Variants in CWC27 observed in about 807,000 individuals in gnomAD.
CWC27 encodes the protein spliceosome-associated protein CWC27 homolog.
Under a neutral mutation model 63.6 loss-of-function variants are expected in CWC27, and 47 were observed. The ratio of observed to expected loss-of-function variants is 0.74; its 90% confidence interval spans 0.58 to 0.94. The LOEUF is 0.94. Among genes scored for constraint, CWC27 ranks in the 40% least tolerant of loss-of-function variants. The pLI is 0.00. For missense variants in CWC27, 495 were observed against 554.3 expected, an observed-to-expected ratio of 0.89 and a Z score of 1.07; for synonymous variants, 175 against 179.8, an observed-to-expected ratio of 0.97 and a Z score of 0.22.
At chr5:64,882,360 G>T (rs1580700026) in intron 10 of CWC27, among the ~76,000 whole-genome samples, 1 of 152,316 alleles carries the variant, frequency 6.6e-6, no homozygotes, top group East Asian at 1.9e-4. Context: ...TAAAGAATTT[G>T]TAATTATGTT....
chr5:65,002,802 A>G (rs1449432790), intron 13 of CWC27, among the ~76,000 whole-genome samples: 1 of 152,096 alleles, frequency 6.6e-6, no homozygotes, highest in African/African-American at 2.4e-5. Flanking sequence ...TGCTGGGTTC[A>G]TTTGGCCTAA....
intron 11 of CWC27, among the ~76,000 whole-genome samples, chr5:64,952,084 A>G (rs1748720875): frequency 6.6e-6 from 1 of 151,984 alleles, no homozygotes; most frequent in African/African-American, 2.4e-5. Context: ...TTGATATAAA[A>G]TGGCAGAGTA....
At chr5:64,952,166 TAATGTA>T (rs1748722244) in intron 11 of CWC27, among the ~76,000 whole-genome samples, 1 of 151,988 alleles carries the variant, frequency 6.6e-6, no homozygotes, top group Admixed American at 6.6e-5. Flanking sequence ...ATACCTAATG[TAATGTA>T]AATGATATGT....
Position 65,018,333 on chromosome 5 carries a change from T to C in CWC27, c.*12T>C. The C allele has an allele frequency of 6.3e-7, 1 of 1,578,984 alleles. No homozygotes were observed. Among genetic ancestry groups the C allele is most frequent in the Non-Finnish European group, 8.6e-7 (1 of 1,167,802 alleles). ...AAGAAAGAAGATAAAATGAGAATAATGATAACCAGAACTTGCTGGAAATGT... is the reference window on the plus strand; with the variant it reads ...AAGAAAGAAGATAAAATGAGAATAACGATAACCAGAACTTGCTGGAAATGT... On this transcript the variant is annotated 3_prime_UTR_variant, in exon 14 of 14. Coordinates refer to ENST00000381070, the MANE Select transcript of CWC27 (RefSeq NM_005869.4).
chr5:64,835,049 G>T (rs1745624471), intron 10 of CWC27, among the ~76,000 whole-genome samples: 1 of 151,618 alleles, frequency 6.6e-6, no homozygotes, highest in Non-Finnish European at 1.5e-5. Context: ...TAACAAAACA[G>T]AAATGGATAA....
chr5:64,789,220 G>A (rs142339881), intron 7 of CWC27, among the ~76,000 whole-genome samples, 200 bp downstream of exon 7: 1 of 151,634 alleles, frequency 6.6e-6, no homozygotes, highest in African/African-American at 2.4e-5. Context: ...TTTTAATGTT[G>A]GCATTTTAAA....
intron 11 of CWC27, among the ~76,000 whole-genome samples, chr5:64,962,011 T>G (rs1748919993): frequency 6.6e-6 from 1 of 152,230 alleles, no homozygotes; most frequent in East Asian, 1.9e-4. Context: ...CAGTGTACAT[T>G]GAGATTTATA....
At chr5:64,892,142 C>CA (rs1561144991) in intron 11 of CWC27, among the ~76,000 whole-genome samples, 1 of 152,184 alleles carries the variant, frequency 6.6e-6, no homozygotes, top group Admixed American at 6.5e-5. Flanking sequence ...TATCTCTCTG[C>CA]ATCCCTTTGC....
chr5:64,960,760 G>A, intron 11 of CWC27, among the ~76,000 whole-genome samples: 1 of 151,412 alleles, frequency 6.6e-6, no homozygotes, highest in East Asian at 1.9e-4. Flanking sequence ...AACAGTTGCT[G>A]TCACAGAATA....
intron 10 of CWC27, among the ~76,000 whole-genome samples, chr5:64,872,665 C>G (rs1022515571): frequency 4.6e-5 from 7 of 152,030 alleles, no homozygotes; most frequent in African/African-American, 1.7e-4. Flanking sequence ...TTTAACAAGG[C>G]AAGAACACTA....
chr5:64,805,250 G>C (rs1339322184), intron 10 of CWC27, among the ~76,000 whole-genome samples: 2 of 150,964 alleles, frequency 1.3e-5, no homozygotes, highest in African/African-American at 4.9e-5. Flanking sequence ...TCCACTAAAA[G>C]CATAGCTTTT....
chr5:64,916,763 C>T (rs1359997937), intron 11 of CWC27, among the ~76,000 whole-genome samples: 4 of 152,148 alleles, frequency 2.6e-5, no homozygotes, highest in Non-Finnish European at 5.9e-5. Flanking sequence ...AACACTTGGC[C>T]TCTCTTAGCC....
intron 11 of CWC27, among the ~76,000 whole-genome samples, chr5:64,944,299 C>T (rs1580741642): frequency 6.6e-6 from 1 of 152,028 alleles, no homozygotes; most frequent in Non-Finnish European, 1.5e-5. Flanking sequence ...ATCTCCAATT[C>T]CCCTTTTCCT....
chr5:64,906,843 T>C (rs1747654045), intron 11 of CWC27, among the ~76,000 whole-genome samples: 1 of 152,214 alleles, frequency 6.6e-6, no homozygotes, highest in Non-Finnish European at 1.5e-5. Context: ...GAATTAATTT[T>C]TGTATAAGGT....
intron 10 of CWC27, among the ~76,000 whole-genome samples, chr5:64,821,227 G>A (rs754522351): frequency 2.0e-5 from 3 of 151,816 alleles, no homozygotes; most frequent in Non-Finnish European, 4.4e-5. Flanking sequence ...TGGGATTACA[G>A]GCACGTGCCA....
chr5:64,809,323 A>G (rs148853466), intron 10 of CWC27, among the ~76,000 whole-genome samples: 4 of 152,266 alleles, frequency 2.6e-5, no homozygotes, highest in Admixed American at 6.5e-5. Flanking sequence ...TCTTTTAGCA[A>G]TTTTGAAGTA....
intron 9 of CWC27, among the ~76,000 whole-genome samples, chr5:64,803,910 G>A (rs554546594): frequency 6.6e-6 from 1 of 152,178 alleles, no homozygotes; most frequent in East Asian, 1.9e-4. Context: ...TTCCCACTGA[G>A]ATAAGAATAG....
intron 11 of CWC27, among the ~76,000 whole-genome samples, chr5:64,929,003 A>C (rs1281960061): frequency 6.6e-6 from 1 of 152,044 alleles, no homozygotes; most frequent in Non-Finnish European, 1.5e-5. Context: ...ACTAATTATA[A>C]AACTATTTTA....
At chr5:64,903,323 C>T (rs1309679844) in intron 11 of CWC27, among the ~76,000 whole-genome samples, 2 of 152,154 alleles carry the variant, frequency 1.3e-5, no homozygotes, top group Non-Finnish European at 2.9e-5. Context: ...GGCACATATA[C>T]ACCATGGAAT....
Sources: gnomAD v4.1 joint callset for allele counts (sites outside exome capture counted in the v4.1 genomes callset) on GRCh38, gnomAD v4.1.1 for gene constraint, MANE v1.5 for transcripts, NCBI Gene and HGNC (gene_info 2026-07-23, HGNC 2026-07-21) for gene names.